CELF2: variants seen among roughly 807,000 people sequenced by gnomAD.
CELF2 encodes CUG triplet repeat RNA-binding protein 2.
A neutral mutation model predicts 62.6 loss-of-function variants in CELF2; 8 were observed. The ratio of observed to expected loss-of-function variants is 0.13; its 90% CI spans 0.07 to 0.23. The LOEUF is 0.23. Ranked by LOEUF, CELF2 falls within the 10% of genes least tolerant of loss-of-function variation. The pLI is 1.00. For synonymous variants in CELF2, 258 were observed against 250.0 expected, an observed-to-expected ratio of 1.03 and a Z score of -0.30; for missense variants, 333 against 671.0, an observed-to-expected ratio of 0.50 and a Z score of 5.56.
At chr10:11,160,287 A>G (rs2065413277) in intron 1 of CELF2, among the ~76,000 whole-genome samples, 1 of 152,188 alleles carries the variant, frequency 6.6e-6, no homozygotes, top group African/African-American at 2.4e-5. Flanking sequence ...TCCTAGAGTT[A>G]AGTGGTTGCT....
rs1225187574 is a variant in CELF2, at chr10:10,915,167, C to A, written c.54-4797C>A. Among the ~76,000 whole-genome samples the A allele has an allele frequency of 3.3e-5, 5 of 150,730 alleles. No homozygotes were observed. In the South Asian group the frequency reaches 6.3e-4, roughly 19 times the overall value. ...AAAAAAAAGATTTTTTAGTGTTCTG[C>A]TTTTCACTTGAAATCAGATTATCTT... is the stretch of plus-strand genomic sequence containing the variant. On this transcript the variant is annotated intron_variant, in intron 1 of 13. Transcript: ENST00000636488.
At chr10:11,088,216 C>T (rs1244880373) in intron 1 of CELF2, among the ~76,000 whole-genome samples, 1 of 152,150 alleles carries the variant, frequency 6.6e-6, no homozygotes, top group Non-Finnish European at 1.5e-5. Context: ...TTGAAGGAGG[C>T]ACGAATTTGT....
At chr10:11,221,031 C>G (rs1270855842) in intron 3 of CELF2, among the ~76,000 whole-genome samples, 1 of 152,220 alleles carries the variant, frequency 6.6e-6, no homozygotes, top group Non-Finnish European at 1.5e-5. Flanking sequence ...AATACCCATT[C>G]CACCACACAC....
chr10:10,538,842 C>T, the CELF2 span, among the ~76,000 whole-genome samples: 2 of 152,248 alleles, frequency 1.3e-5, no homozygotes, highest in African/African-American at 4.8e-5. Flanking sequence ...ACGTTTTTCT[C>T]TTGCCCTCCT....
chr10:11,079,223 T>G (rs113162054), intron 1 of CELF2, among the ~76,000 whole-genome samples: 10 of 152,260 alleles, frequency 6.6e-5, no homozygotes, highest in African/African-American at 1.9e-4. Context: ...ATTTCATACG[T>G]TTTTTGTACT....
intron 2 of CELF2, among the ~76,000 whole-genome samples, chr10:10,967,036 G>A (rs981753118): frequency 2.0e-5 from 3 of 152,218 alleles, no homozygotes; most frequent in Non-Finnish European, 2.9e-5. Flanking sequence ...GTTTAATTGA[G>A]CAAAGAACAA....
At chr10:10,846,294 C>T (rs575493313) in intron 1 of CELF2, 1 of 169,770 alleles carries the variant, frequency 5.9e-6, no homozygotes, top group South Asian at 1.9e-4. Flanking sequence ...CTTGGTTTTT[C>T]CTAAAGCTTT....
upstream of CELF2, among the ~76,000 whole-genome samples, chr10:11,017,727 G>T (rs565002021): frequency 1.3e-5 from 2 of 152,008 alleles, no homozygotes; most frequent in Non-Finnish European, 2.9e-5. The surrounding 1 kb of genome is among the most constrained non-coding windows in gnomAD (Gnocchi z 5.5). Context: ...GGGCCCAGGG[G>T]ACCCTGAGAA....
chr10:10,742,011 A>C, the CELF2 span, among the ~76,000 whole-genome samples: 7 of 152,300 alleles, frequency 4.6e-5, no homozygotes, highest in Admixed American at 3.3e-4. Flanking sequence ...AACAGTATGA[A>C]CCCATGCTGT....
At chr10:11,000,486 A>C (rs1440768335), upstream of CELF2, among the ~76,000 whole-genome samples, 1 of 152,220 alleles carries the variant, frequency 6.6e-6, no homozygotes, top group Non-Finnish European at 1.5e-5. Flanking sequence ...AGTCTTGCTC[A>C]TTAATCATTC....
At chr10:10,526,286 A>G in the CELF2 span, among the ~76,000 whole-genome samples, 4 of 152,262 alleles carry the variant, frequency 2.6e-5, no homozygotes, top group Non-Finnish European at 5.9e-5. Context: ...CTAATAAAAA[A>G]TTATGGATTT....
At chr10:10,790,576 A>C in the CELF2 span, among the ~76,000 whole-genome samples, 3 of 152,120 alleles carry the variant, frequency 2.0e-5, no homozygotes, top group Admixed American at 1.3e-4. Context: ...ACAAAGAAAG[A>C]TATTACGGCA....
intron 1 of CELF2, among the ~76,000 whole-genome samples, chr10:10,911,191 C>T (rs752733703): frequency 1.1e-4 from 17 of 152,166 alleles, no homozygotes; most frequent in Non-Finnish European, 2.2e-4. Flanking sequence ...ACACCAGTGC[C>T]ATTTGCACAC....
At chr10:11,326,155 TA>T (rs1322935855) in intron 12 of CELF2, among the ~76,000 whole-genome samples, 176 bp downstream of exon 12, 1 of 152,210 alleles carries the variant, frequency 6.6e-6, no homozygotes, top group Non-Finnish European at 1.5e-5. Flanking sequence ...TCTGGGAAAT[TA>T]AAGTCAACGC....
At position 11,285,302 on chromosome 10, in the gene CELF2, CAT is replaced by C. The variant is rs1590683561; in HGVS notation, c.842-3114_842-3113del. 6.6e-6 allele frequency among the ~76,000 whole-genome samples: 1 copy of C among 152,132 alleles called. No homozygotes were observed. Among genetic ancestry groups the C allele is most frequent in the Non-Finnish European group, 1.5e-5 (1 of 68,010 alleles). On this transcript the variant is annotated intron_variant, in intron 8 of 12. Transcript: ENST00000633077. This position sits in a 1 kb window ranked among gnomAD's most constrained non-coding sequence, Gnocchi z 4.3. ...ACTCTTCATCTCAGCTTCCTTGACTCATAGTTTTTCCTTTCCTTGCAGTCTGG... is the reference window on the plus strand; with the variant it reads ...ACTCTTCATCTCAGCTTCCTTGACTCAGTTTTTCCTTTCCTTGCAGTCTGG...
At chr10:10,795,805 G>T (rs1338245709), upstream of CELF2, among the ~76,000 whole-genome samples, 1 of 152,058 alleles carries the variant, frequency 6.6e-6, no homozygotes, top group African/African-American at 2.4e-5. Context: ...TCCTTTAAAA[G>T]ATAATTTCTC....
intron 7 of CELF2, among the ~76,000 whole-genome samples, chr10:11,273,339 T>C (rs2653532): frequency 0.74 from 113,158 of 151,954 alleles, 43,049 homozygotes; most frequent in Non-Finnish European, 0.81. Context: ...GCGGCAGCCT[T>C]GGAATCTCCT....
At chr10:10,712,024 T>C in the CELF2 span, among the ~76,000 whole-genome samples, 1 of 152,026 alleles carries the variant, frequency 6.6e-6, no homozygotes, top group Non-Finnish European at 1.5e-5. Flanking sequence ...CCCAAGGCCA[T>C]CATTTTCCTG....
At chr10:10,807,499 A>AT (rs769471020) in intron 1 of CELF2, among the ~76,000 whole-genome samples, 331 of 151,824 alleles carry the variant, frequency 2.2e-3, no homozygotes, top group East Asian at 5.8e-3. Flanking sequence ...AGGGAGACAG[A>AT]TTTTTTTTTG....
Sources: allele counts gnomAD v4.1 joint callset (sites outside exome capture counted in the v4.1 genomes callset), GRCh38; gene constraint gnomAD v4.1.1; non-coding constraint Gnocchi (gnomAD v3.1); transcripts MANE v1.5; gene names NCBI Gene and HGNC (gene_info 2026-07-23, HGNC 2026-07-21).